Variants in SEMA3E observed in about 807,000 individuals in gnomAD.
SEMA3E encodes the protein semaphorin-3E.
A neutral mutation model predicts 93.6 loss-of-function variants in SEMA3E; 49 were observed. That is an observed-to-expected ratio of 0.52 (90% CI 0.42 to 0.66). The LOEUF is 0.66. Ranked by LOEUF, SEMA3E falls within the 30% of genes least tolerant of loss-of-function variation. The pLI, the probability that SEMA3E is intolerant of heterozygous loss-of-function variation, is 0.00. For synonymous variants in SEMA3E, 363 were observed against 330.7 expected (o/e 1.10, Z -1.06); for missense variants, 906 against 964.8 (o/e 0.94, Z 0.81).
intron 1 of SEMA3E, among the ~76,000 whole-genome samples, chr7:83,535,166 A>G (rs1297219691): frequency 6.6e-6 from 1 of 152,140 alleles, no homozygotes; most frequent in Admixed American, 6.6e-5. Context: ...CTTCCTATCT[A>G]TTTTTAGATA....
chr7:83,639,263 T>C (rs1793950552), intron 1 of SEMA3E, among the ~76,000 whole-genome samples: 1 of 151,678 alleles, frequency 6.6e-6, no homozygotes, highest in African/African-American at 2.4e-5. Flanking sequence ...CCAGTTTCCA[T>C]CTCCTTTCTG....
At chr7:83,569,313 T>C (rs572014312) in intron 1 of SEMA3E, among the ~76,000 whole-genome samples, 1 of 146,628 alleles carries the variant, frequency 6.8e-6, no homozygotes, top group Non-Finnish European at 1.5e-5. Context: ...GACAAGACAA[T>C]ATAAAGCAAT....
intron 4 of SEMA3E, among the ~76,000 whole-genome samples, chr7:83,431,032 A>C (rs1788869778): frequency 6.6e-6 from 1 of 151,594 alleles, no homozygotes. Context: ...TTGATTATTA[A>C]TGGTTGTCTA....
chr7:83,590,698 G>A (rs75696789), intron 1 of SEMA3E, among the ~76,000 whole-genome samples: 1 of 152,154 alleles, frequency 6.6e-6, no homozygotes, highest in South Asian at 2.1e-4. Context: ...TCTGGACCTT[G>A]CTGTCTAGCT....
At chr7:83,603,158 A>G (rs2115989764) in intron 1 of SEMA3E, among the ~76,000 whole-genome samples, 1 of 152,282 alleles carries the variant, frequency 6.6e-6, no homozygotes, top group African/African-American at 2.4e-5. Context: ...CAGTGGTCCA[A>G]GTCTTCTACT....
At chr7:83,635,630 T>C (rs1404237879) in intron 1 of SEMA3E, among the ~76,000 whole-genome samples, 1 of 151,962 alleles carries the variant, frequency 6.6e-6, no homozygotes, top group South Asian at 2.1e-4. Context: ...ATAAATTAAG[T>C]ACATGAAAAA....
intron 14 of SEMA3E, among the ~76,000 whole-genome samples, chr7:83,388,808 C>CTTTTTT (rs5885347): frequency 7.1e-6 from 1 of 141,152 alleles, no homozygotes; most frequent in Non-Finnish European, 1.5e-5. Flanking sequence ...CTATTTCAGT[C>CTTTTTT]TTTTTTTTTT....
intron 5 of SEMA3E, among the ~76,000 whole-genome samples, chr7:83,408,837 A>G (rs913185622): frequency 9.2e-5 from 14 of 152,138 alleles, no homozygotes; most frequent in Non-Finnish European, 4.4e-5. Context: ...GGCTTCATTT[A>G]TTTTCCTAGA....
At position 83,606,671 on chromosome 7, in the gene SEMA3E, G is replaced by GT. The variant is rs541012260; in HGVS notation, c.115+41756dup. On this transcript the variant is annotated intron_variant, in intron 1 of 16. Transcript: ENST00000643230. ...AGATATACCTAATGCTAGATGACAC[G>GT]TTAGTGGGTGCAGCACACCAGCATG... is the stretch of plus-strand genomic sequence containing the variant. Among the ~76,000 whole-genome samples the GT allele has an allele frequency of 9.0e-3, 1,311 of 145,418 alleles. 9 individuals are homozygous for GT. The highest frequency in any genetic ancestry group is 0.014 in the Non-Finnish European group (913 of 66,780).
At chr7:83,431,311 G>A (rs1047499578) in intron 4 of SEMA3E, among the ~76,000 whole-genome samples, 20 of 151,560 alleles carry the variant, frequency 1.3e-4, no homozygotes, top group African/African-American at 4.6e-4. Flanking sequence ...ATTAATTAAT[G>A]TAGGGTTAAA....
intron 4 of SEMA3E, among the ~76,000 whole-genome samples, chr7:83,447,568 A>G (rs897234385): frequency 6.6e-6 from 1 of 152,136 alleles, no homozygotes; most frequent in Non-Finnish European, 1.5e-5. Context: ...TCTATGCAAC[A>G]TTTTTCATCT....
intron 4 of SEMA3E, chr7:83,462,299 G>A (rs1379299256): frequency 1.3e-5 from 2 of 152,134 alleles, no homozygotes; most frequent in African/African-American, 2.4e-5. Flanking sequence ...CTCCATAACT[G>A]TTGTGGGTAT....
chr7:83,395,490 T>C (rs1361073488), intron 12 of SEMA3E, among the ~76,000 whole-genome samples: 1 of 152,206 alleles, frequency 6.6e-6, no homozygotes, highest in Non-Finnish European at 1.5e-5. Context: ...TGTTCTGTGT[T>C]TTTAACTCAT....
intron 1 of SEMA3E, among the ~76,000 whole-genome samples, chr7:83,512,077 A>AT (rs1790836620): frequency 6.6e-6 from 1 of 152,190 alleles, no homozygotes; most frequent in Non-Finnish European, 1.5e-5. Flanking sequence ...AAATAAAAAA[A>AT]TTATCATTTC....
chr7:83,437,095 T>A (rs1789020604), intron 4 of SEMA3E, among the ~76,000 whole-genome samples: 1 of 152,010 alleles, frequency 6.6e-6, no homozygotes, highest in Non-Finnish European at 1.5e-5. Flanking sequence ...TTCAATTACC[T>A]CCCACTGGGT....
At chr7:83,506,691 A>G (rs1244239367) in intron 1 of SEMA3E, among the ~76,000 whole-genome samples, 4 of 152,228 alleles carry the variant, frequency 2.6e-5, no homozygotes, top group Admixed American at 6.5e-5. Flanking sequence ...CAAAACCCAT[A>G]TAAATCATAA....
At chr7:83,506,782 A>G (rs1171265869) in intron 1 of SEMA3E, among the ~76,000 whole-genome samples, 1 of 152,224 alleles carries the variant, frequency 6.6e-6, no homozygotes, top group Non-Finnish European at 1.5e-5. Flanking sequence ...ACACACTGAG[A>G]ACAAGAGAAT....
At chr7:83,602,723 G>A (rs1211424082) in intron 1 of SEMA3E, among the ~76,000 whole-genome samples, 5 of 152,026 alleles carry the variant, frequency 3.3e-5, no homozygotes, top group Admixed American at 1.3e-4. Flanking sequence ...TGATCTGCCC[G>A]CCTCAGCCTC....
intron 1 of SEMA3E, among the ~76,000 whole-genome samples, chr7:83,609,740 C>T (rs1793208917): frequency 6.6e-6 from 1 of 151,902 alleles, no homozygotes; most frequent in African/African-American, 2.4e-5. Context: ...TCATTAAAAA[C>T]AATCTTGCAT....
Sources: gnomAD v4.1 joint callset for allele counts (sites outside exome capture counted in the v4.1 genomes callset) on GRCh38, gnomAD v4.1.1 for gene constraint, MANE v1.5 for transcripts, NCBI Gene and HGNC (gene_info 2026-07-23, HGNC 2026-07-21) for gene names.